XXYLT1: variants seen among roughly 807,000 people sequenced by gnomAD.
The protein encoded by XXYLT1 is xyloside xylosyltransferase 1.
XXYLT1 carries 20 observed loss-of-function variants against 28.9 expected under a neutral mutation model. The ratio of observed to expected loss-of-function variants is 0.69; its 90% confidence interval spans 0.49 to 1.00. The LOEUF (loss-of-function observed/expected upper bound fraction) is 1.00. Ranked by LOEUF, XXYLT1 falls within the 50% of genes least tolerant of loss-of-function variation. The pLI is 0.00. For missense variants in XXYLT1, 542 were observed against 560.1 expected (o/e 0.97, Z 0.33); for synonymous variants, 257 against 253.8 (o/e 1.01, Z -0.12).
Position 195,070,070 on chromosome 3 carries a change from C to A in XXYLT1, c.827G>T (p.Arg276Leu), listed in dbSNP as rs62290268. Residue 276 changes from arginine to leucine, a missense_variant, in exon 4 of 4, where the codon CGG (arginine) becomes CTG (leucine). Arg to Leu is a moderately radical substitution (Grantham distance 102). Coordinates refer to ENST00000310380, the MANE Select transcript of XXYLT1 (RefSeq NM_152531.5). ...WQFRHENPQT[R>L]VGGPPPEGLP... ...CCCCTCGGGGGGCGGGCCCCCAACC[C>A]GGGTCTGGGGGTTCTCATGGCGGAA... is the stretch of plus-strand genomic sequence containing the variant. 1 of 1,591,612 alleles carries A rather than the reference C, an allele frequency of 6.3e-7. No homozygotes were observed. Among genetic ancestry groups the A allele is most frequent in the Admixed American group, 1.7e-5 (1 of 58,890 alleles).
intron 2 of XXYLT1, 35 bp downstream of exon 2, chr3:195,226,674 A>AC (rs1406192191): frequency 6.3e-7 from 1 of 1,598,674 alleles, no homozygotes; most frequent in East Asian, 2.2e-5. Context: ...AAAGTCAGAC[A>AC]CCCAGGGGCT....
In XXYLT1 at chr3:195,129,260, T is replaced by G. The variant is rs947691553; in HGVS notation, c.785+27189A>C. On this transcript the variant is annotated intron_variant, in intron 3 of 3. Coordinates refer to ENST00000310380, the MANE Select transcript of XXYLT1 (RefSeq NM_152531.5). This position sits in a 1 kb window ranked among gnomAD's most constrained non-coding sequence, Gnocchi z 4.4. ...TGGTAACAGCTTTCTTGACACATAA[T>G]TTAAATTCCATACAATTCACCCATT... Among the ~76,000 whole-genome samples the G allele has an allele frequency of 3.9e-5, 6 of 152,190 alleles. No homozygotes were observed. Among genetic ancestry groups the G allele is most frequent in the Admixed American group, 3.9e-4 (6 of 15,282 alleles).
chr3:195,110,212 G>GTGGTGTA (rs1717467038), intron 3 of XXYLT1, among the ~76,000 whole-genome samples: 1 of 7,466 alleles, frequency 1.3e-4, no homozygotes, highest in Non-Finnish European at 5.1e-4. Flanking sequence ...TGTGGTGTGT[G>GTGGTGTA]CGTGTGTGGT....
At chr3:195,088,115 C>T (rs1480164035) in intron 3 of XXYLT1, among the ~76,000 whole-genome samples, 2 of 151,624 alleles carry the variant, frequency 1.3e-5, no homozygotes, top group Non-Finnish European at 2.9e-5. Context: ...GGGAGGGGCG[C>T]CCGCCATTGC....
At chr3:195,098,293 C>T (rs1716564169) in intron 3 of XXYLT1, among the ~76,000 whole-genome samples, 3 of 152,146 alleles carry the variant, frequency 2.0e-5, no homozygotes, top group East Asian at 1.9e-4. Context: ...GTGGCTCACG[C>T]CTGTAATCCC....
chr3:195,243,722 T>A (rs889623292), intron 1 of XXYLT1, among the ~76,000 whole-genome samples: 1 of 152,198 alleles, frequency 6.6e-6, no homozygotes, highest in African/African-American at 2.4e-5. Context: ...AAGTGGTAAA[T>A]GCTCTGAATT....
chr3:195,266,517 A>C (rs1484120355), intron 1 of XXYLT1, among the ~76,000 whole-genome samples: 1 of 151,828 alleles, frequency 6.6e-6, no homozygotes, highest in African/African-American at 2.4e-5. Context: ...AGAAAAAGAC[A>C]AAAAAAAGGC....
intron 2 of XXYLT1, among the ~76,000 whole-genome samples, chr3:195,161,818 A>G (rs1285342324): frequency 6.6e-6 from 1 of 151,904 alleles, no homozygotes; most frequent in Non-Finnish European, 1.5e-5. Context: ...GGGTTTCACC[A>G]TGTTGGCCAG....
intron 2 of XXYLT1, among the ~76,000 whole-genome samples, chr3:195,177,017 A>G (rs1443096476): frequency 1.3e-5 from 2 of 152,160 alleles, no homozygotes; most frequent in Non-Finnish European, 2.9e-5. Context: ...GGGCTCTCAC[A>G]TCAGCACTAC....
Position 195,077,082 on chromosome 3 carries a change from G to C in XXYLT1, c.786-6971C>G, listed in dbSNP as rs1032634487. Among the ~76,000 whole-genome samples, 13 of 152,182 alleles carry C rather than the reference G, an allele frequency of 8.5e-5. No homozygotes were observed. Among genetic ancestry groups the C allele is most frequent in the Non-Finnish European group, 8.8e-5 (6 of 68,032 alleles). ...CTGTCCAGGGACTCAGAGGACACCT[G>C]TGGGGCCCAGAACTGCCCTCAGCAA... On this transcript the variant is annotated intron_variant, in intron 3 of 3. Transcript: ENST00000310380. This position sits in a 1 kb window ranked among gnomAD's most constrained non-coding sequence, Gnocchi z 4.8.
At chr3:195,156,391 G>C (rs1433159275) in intron 3 of XXYLT1, 58 bp downstream of exon 3, 2 of 1,588,106 alleles carry the variant, frequency 1.3e-6, no homozygotes, top group Non-Finnish European at 1.7e-6. Context: ...TGGCAGAAGA[G>C]AGAGGGTGAA....
intron 2 of XXYLT1, among the ~76,000 whole-genome samples, chr3:195,198,543 A>G (rs1722721389): frequency 6.6e-6 from 1 of 152,204 alleles, no homozygotes; most frequent in African/African-American, 2.4e-5. Context: ...AACAAAAGCA[A>G]TAACAGCAAA....
chr3:195,171,726 C>G (rs1338581784), intron 2 of XXYLT1, among the ~76,000 whole-genome samples: 1 of 152,250 alleles, frequency 6.6e-6, no homozygotes, highest in Non-Finnish European at 1.5e-5. Context: ...CCCCACAGGT[C>G]TGTATTCATG....
chr3:195,248,290 A>C (rs1725116531), intron 1 of XXYLT1, among the ~76,000 whole-genome samples: 1 of 152,164 alleles, frequency 6.6e-6, no homozygotes, highest in South Asian at 2.1e-4. Context: ...AAAGGAGTTG[A>C]CATGGTTTGG....
At chr3:195,238,420 G>A (rs1487617179) in intron 1 of XXYLT1, among the ~76,000 whole-genome samples, 1 of 152,176 alleles carries the variant, frequency 6.6e-6, no homozygotes, top group African/African-American at 2.4e-5. Context: ...TCACTTTTCA[G>A]GGCTCTGTTT....
chr3:195,156,427 C>A (rs1382251795), intron 3 of XXYLT1, 22 bp downstream of exon 3: 2 of 1,608,108 alleles, frequency 1.2e-6, no homozygotes, highest in East Asian at 4.5e-5. Context: ...GTGGAGGCGG[C>A]CCCCCTGCAG....
intron 3 of XXYLT1, among the ~76,000 whole-genome samples, chr3:195,087,977 C>T (rs1032586194): frequency 2.6e-5 from 4 of 152,026 alleles, no homozygotes; most frequent in African/African-American, 7.3e-5. Flanking sequence ...GCTTTTCCAA[C>T]GGGCTTAAAA....
rs138500900 is a variant in XXYLT1, at chr3:195,179,069, C to T, written c.653-22488G>A. Among the ~76,000 whole-genome samples the T allele has an allele frequency of 1.2e-4, 19 of 152,144 alleles. No individual in the cohort carries two copies. The East Asian group carries it at 2.5e-3, about 20-fold the overall frequency. ...CAAGAACTCATGATGGGGCCGGGCG[C>T]GGTGGCTCACGCCTGTAATCCCAGC... On this transcript the variant is annotated intron_variant, in intron 2 of 3. Coordinates refer to ENST00000310380, the MANE Select transcript of XXYLT1 (RefSeq NM_152531.5).
Position 195,176,080 on chromosome 3 carries a change from A to G in XXYLT1, c.653-19499T>C, listed in dbSNP as rs1335355974. On this transcript the variant is annotated intron_variant, in intron 2 of 3. Transcript: ENST00000310380. This position sits in a 1 kb window ranked among gnomAD's most constrained non-coding sequence, Gnocchi z 4.9. Reference sequence around the variant, plus strand: ...TGACAGAATTTTTTTTTTTTGAGACAGGGTCTCACTCTATCGCCCAAGCTG... The same window carrying G: ...TGACAGAATTTTTTTTTTTTGAGACGGGGTCTCACTCTATCGCCCAAGCTG... 6.6e-6 allele frequency among the ~76,000 whole-genome samples: 1 copy of G among 151,898 alleles called. No homozygotes were observed. Among genetic ancestry groups the G allele is most frequent in the East Asian group, 1.9e-4 (1 of 5,192 alleles).
Sources: allele counts gnomAD v4.1 joint callset (sites outside exome capture counted in the v4.1 genomes callset), GRCh38; gene constraint gnomAD v4.1.1; non-coding constraint Gnocchi (gnomAD v3.1); transcripts MANE v1.5; gene names NCBI Gene and HGNC (gene_info 2026-07-23, HGNC 2026-07-21).